The following RIMBP2 variants were observed in gnomAD, a reference collection of about 807,000 sequenced individuals.
RIMBP2 encodes the protein RIMS-binding protein 2.
Under a neutral mutation model 118.6 loss-of-function variants are expected in RIMBP2, and 48 were observed. The observed-to-expected ratio is 0.40, with a 90% CI of 0.32 to 0.51. RIMBP2 has a LOEUF of 0.51. Ranked by LOEUF, RIMBP2 falls within the 20% of genes least tolerant of loss-of-function variation. RIMBP2 has a pLI of 0.41. For synonymous variants in RIMBP2, 762 were observed against 742.9 expected, an observed-to-expected ratio of 1.03 and a Z score of -0.42; for missense variants, 1,551 against 1,768.3, an observed-to-expected ratio of 0.88 and a Z score of 2.20.
At chr12:130,449,763 A>C (rs924863620) in intron 9 of RIMBP2, among the ~76,000 whole-genome samples, 1 of 152,098 alleles carries the variant, frequency 6.6e-6, no homozygotes, top group Admixed American at 6.5e-5. Context: ...GGGAGAACGC[A>C]CAAAGACAGG....
At chr12:130,596,627 C>T (rs987355182) in intron 2 of RIMBP2, among the ~76,000 whole-genome samples, 8 of 152,152 alleles carry the variant, frequency 5.3e-5, no homozygotes, top group East Asian at 1.9e-4. Context: ...TCTCTTCTGC[C>T]GTAGTCACAG....
chr12:130,651,885 TAA>T (rs68125491), intron 1 of RIMBP2, among the ~76,000 whole-genome samples: 24,114 of 150,596 alleles, frequency 0.16, 2,343 homozygotes, highest in Non-Finnish European at 0.22. Context: ...TTTTTGATGT[TAA>T]AAAAAAAATG....
chr12:130,499,540 C>G (rs1218835582), intron 4 of RIMBP2, among the ~76,000 whole-genome samples: 1 of 152,162 alleles, frequency 6.6e-6, no homozygotes, highest in African/African-American at 2.4e-5. Flanking sequence ...AGTCATCTCC[C>G]TCATCTGACC....
intron 22 of RIMBP2, chr12:130,399,173 C>A (rs1229478795): frequency 2.2e-6 from 3 of 1,365,012 alleles, no homozygotes; most frequent in Admixed American, 2.7e-5. Context: ...TGTTTCCAAG[C>A]AGATGAGCAA....
At chr12:130,667,663 G>A (rs1276529265) in intron 1 of RIMBP2, 1 of 152,288 alleles carries the variant, frequency 6.6e-6, no homozygotes, top group Non-Finnish European at 1.5e-5. Context: ...GTGAAGGAAA[G>A]GTGGACCTTG....
intron 2 of RIMBP2, among the ~76,000 whole-genome samples, chr12:130,546,052 G>T (rs2055112252): frequency 6.7e-6 from 1 of 148,984 alleles, no homozygotes; most frequent in African/African-American, 2.5e-5. Context: ...GGAGAGTCCT[G>T]TCCCCCTTTG....
Position 130,450,724 on chromosome 12 carries a change from C to T in RIMBP2, c.505-448G>A, listed in dbSNP as rs981997658. The stretch of plus-strand genomic sequence containing the variant: ...AAGCAGGAATTAGACCACATCACCC[C>T]CTGCCTTAACAGCTTTCAGTGGCTT... On this transcript the variant is annotated intron_variant, in intron 8 of 22. Coordinates refer to ENST00000690449, the MANE Select transcript of RIMBP2 (RefSeq NM_001393629.1). The surrounding 1 kb of genome is among the most constrained non-coding windows in gnomAD (Gnocchi z 4.8). Among the ~76,000 whole-genome samples, 1 of 151,920 alleles carries T rather than the reference C, an allele frequency of 6.6e-6. No homozygotes were observed. The highest frequency in any genetic ancestry group is 2.4e-5 in the African/African-American group (1 of 41,340).
chr12:130,647,088 G>C (rs116846619), intron 1 of RIMBP2, among the ~76,000 whole-genome samples: 1 of 152,184 alleles, frequency 6.6e-6, no homozygotes, highest in African/African-American at 2.4e-5. Context: ...GTTCCTTCAC[G>C]GGGAATTCCA....
At chr12:130,410,602 T>A (rs1593200184) in intron 19 of RIMBP2, among the ~76,000 whole-genome samples, 1 of 152,186 alleles carries the variant, frequency 6.6e-6, no homozygotes, top group Admixed American at 6.5e-5. Flanking sequence ...TCAGCACCAA[T>A]GATTGAAAAG....
chr12:130,543,004 A>C (rs1261390373), intron 2 of RIMBP2, among the ~76,000 whole-genome samples: 2 of 152,160 alleles, frequency 1.3e-5, no homozygotes, highest in Non-Finnish European at 2.9e-5. Context: ...AATTTCTCCA[A>C]ATGAGGCTGA....
intron 1 of RIMBP2, among the ~76,000 whole-genome samples, chr12:130,704,885 C>T (rs1018908091): frequency 5.9e-5 from 9 of 152,154 alleles, no homozygotes; most frequent in Non-Finnish European, 8.8e-5. Context: ...CCTGTCTGTG[C>T]GTCCAAGTCC....
At chr12:130,612,797 A>T (rs547177745) in intron 2 of RIMBP2, among the ~76,000 whole-genome samples, 2 of 152,066 alleles carry the variant, frequency 1.3e-5, no homozygotes, top group African/African-American at 4.8e-5. Context: ...CTGGGCTTAG[A>T]CCCCATCCGG....
At chr12:130,493,472 G>A (rs1483949042) in intron 4 of RIMBP2, among the ~76,000 whole-genome samples, 2 of 151,858 alleles carry the variant, frequency 1.3e-5, no homozygotes, top group Admixed American at 6.6e-5. Context: ...GTACCACCAC[G>A]CCTGGTTAAT....
At chr12:130,613,228 G>A (rs942907794) in intron 2 of RIMBP2, among the ~76,000 whole-genome samples, 2 of 152,214 alleles carry the variant, frequency 1.3e-5, no homozygotes, top group African/African-American at 4.8e-5. Context: ...CGGGTTGCCG[G>A]GGCCAACAAG....
At chr12:130,687,141 A>C (rs1252950251) in intron 1 of RIMBP2, among the ~76,000 whole-genome samples, 5 of 152,184 alleles carry the variant, frequency 3.3e-5, no homozygotes, top group Non-Finnish European at 7.3e-5. Context: ...AACCTCGTCT[A>C]GTTCCTGATA....
chr12:130,428,210 C>T lies in RIMBP2; in HGVS notation c.2381G>A (p.Arg794Gln), dbSNP rs760979945. ...EMQLEDGGRRRPSGTSHNALK... is the reference protein window; with the variant it reads ...EMQLEDGGRRQPSGTSHNALK... ...GGCATTGTGGGACGTGCCGCTGGGC[C>T]GCCTCCTTCCCCCATCTTCCAGCTG... Residue 794 changes from arginine to glutamine, a missense_variant, in exon 15 of 23, where the codon CGG (arginine) becomes CAG (glutamine). Physicochemically the swap from Arg to Gln is conservative, Grantham distance 43 (BLOSUM62 1). Transcript: ENST00000690449. The T allele has an allele frequency of 8.7e-6, 14 of 1,612,638 alleles. No homozygotes were observed. The highest frequency in any genetic ancestry group is 5.0e-5 in the Admixed American group (3 of 59,790).
At chr12:130,485,295 G>A (rs948255439) in intron 4 of RIMBP2, among the ~76,000 whole-genome samples, 2 of 152,248 alleles carry the variant, frequency 1.3e-5, no homozygotes, top group Admixed American at 6.5e-5. Flanking sequence ...TGAGGGTTGG[G>A]TGCTGTGGTC....
At chr12:130,480,487 C>T (rs997300992) in intron 4 of RIMBP2, among the ~76,000 whole-genome samples, 2 of 152,218 alleles carry the variant, frequency 1.3e-5, no homozygotes, top group African/African-American at 2.4e-5. Context: ...TTGGCCCCAG[C>T]GAGCCATGGG....
At chr12:130,487,211 C>T (rs1386817878) in intron 4 of RIMBP2, among the ~76,000 whole-genome samples, 1 of 152,220 alleles carries the variant, frequency 6.6e-6, no homozygotes, top group Admixed American at 6.5e-5. Flanking sequence ...TGCATCACCA[C>T]GTGGCCAGCC....
Sources: allele counts gnomAD v4.1 joint callset (sites outside exome capture counted in the v4.1 genomes callset), GRCh38; gene constraint gnomAD v4.1.1; non-coding constraint Gnocchi (gnomAD v3.1); transcripts MANE v1.5; gene names NCBI Gene and HGNC (gene_info 2026-07-23, HGNC 2026-07-21).